The following ENDOV variants were observed in gnomAD, a reference collection of about 807,000 sequenced individuals.
The protein encoded by ENDOV is endonuclease V.
ENDOV carries 37 observed loss-of-function variants against 39.4 expected under a neutral mutation model. That is an observed-to-expected ratio of 0.94 (90% CI 0.72 to 1.23). The LOEUF (loss-of-function observed/expected upper bound fraction) is 1.23. Ranked by LOEUF, ENDOV falls within the 50% of genes most tolerant of loss-of-function variation. The pLI is 0.00. For synonymous variants in ENDOV, 186 were observed against 163.4 expected, an observed-to-expected ratio of 1.14 and a Z score of -1.05; for missense variants, 441 against 375.7, an observed-to-expected ratio of 1.17 and a Z score of -1.44.
chr17:80,436,069 C>T, intron 9 of ENDOV, 64 bp from the exon 10 acceptor site: 2 of 1,578,312 alleles, frequency 1.3e-6, no homozygotes, highest in Non-Finnish European at 1.7e-6. Context: ...TCCACTTCCT[C>T]CTTTCCACTC....
intron 2 of ENDOV, chr17:80,417,046 CA>C (rs1042369113): frequency 1.3e-5 from 2 of 152,240 alleles, no homozygotes; most frequent in African/African-American, 2.4e-5. Context: ...GGAACCACCA[CA>C]CCCAGCCCAC....
At chr17:80,421,177 A>G (rs1181720305) in intron 2 of ENDOV, among the ~76,000 whole-genome samples, 1 of 151,800 alleles carries the variant, frequency 6.6e-6, no homozygotes, top group Non-Finnish European at 1.5e-5. Context: ...CCTATGGACC[A>G]GGTCCCGGAG....
chr17:80,425,097 A>G lies in ENDOV; in HGVS notation c.582A>G (p.Gly194=). Residue 194 remains glycine, a synonymous_variant, in exon 6 of 10, where the codon GGA becomes GGG. Coordinates refer to ENST00000518137, the MANE Select transcript of ENDOV (RefSeq NM_173627.5). ...TGGGAGACTCTGGGACTGTCCTGGG[A>G]ATGGTGAGTAGCTAGGGCCCTGAGC... The part of the protein sequence containing the change: ...PLLGDSGTVL[G]MALRSHDRST... The G allele has an allele frequency of 6.2e-7, 1 of 1,608,022 alleles. No individual in the cohort carries two copies.
At chr17:80,435,174 C>A (rs1411977560) in intron 9 of ENDOV, among the ~76,000 whole-genome samples, 1 of 152,054 alleles carries the variant, frequency 6.6e-6, no homozygotes, top group South Asian at 2.1e-4. Context: ...AATATTTTTT[C>A]CTGTGGGTTG....
At position 80,427,737 on chromosome 17, in the gene ENDOV, C is replaced by G. The variant is rs898943304; in HGVS notation, c.715-859C>G. Reference sequence around the variant, plus strand: ...CGGGGTTAGTGTTGGTCTGCTCTCTCCCTGGCTCCGCGCCGGGCCGTCTTG... The same window carrying G: ...CGGGGTTAGTGTTGGTCTGCTCTCTGCCTGGCTCCGCGCCGGGCCGTCTTG... On this transcript the variant is annotated intron_variant, in intron 7 of 9. Transcript: ENST00000518137. 11 of 1,289,246 alleles carry G rather than the reference C, an allele frequency of 8.5e-6. No homozygotes were observed. In the East Asian group the frequency reaches 5.5e-4, roughly 65 times the overall value. 79.9% of individuals were successfully genotyped at this position (1,289,246 alleles called of 1,614,324 possible).
chr17:80,423,910 G>C (rs969171298), intron 5 of ENDOV: 29 of 477,216 alleles, frequency 6.1e-5, no homozygotes, highest in Admixed American at 3.8e-5. Context: ...GTAGGGCTAA[G>C]TCCTCCAGTT....
chr17:80,422,218 G>A lies in ENDOV; in HGVS notation c.376G>A (p.Asp126Asn), dbSNP rs769171987. Residue 126 changes from aspartate (D) to asparagine (N), a missense_variant, in exon 4 of 10, where the codon GAT becomes AAT. Physicochemically the swap from Asp to Asn is conservative, Grantham distance 23. Coordinates refer to ENST00000518137, the MANE Select transcript of ENDOV (RefSeq NM_173627.5). ...PGLMPQVLLV[D>N]GNGVLHHRGF... ...TGTGGCTCCATAGGTCCTTCTTGTG[G>A]ATGGAAACGGGGTACTCCACCACCG... 4 of 1,613,654 alleles carry A rather than the reference G, an allele frequency of 2.5e-6. No individual in the cohort carries two copies. The highest frequency in any genetic ancestry group is 3.4e-6 in the Non-Finnish European group (4 of 1,179,834).
intron 8 of ENDOV, among the ~76,000 whole-genome samples, 165 bp from the exon 9 acceptor site, chr17:80,429,608 A>G (rs2083156396): frequency 2.0e-5 from 3 of 152,110 alleles, no homozygotes; most frequent in Non-Finnish European, 4.4e-5. Flanking sequence ...GCTTGAATGC[A>G]AGCTGCGTGT....
chr17:80,436,250 A>C lies in ENDOV; in HGVS notation c.*107A>C. 3.3e-6 allele frequency: 3 copies of C among 918,350 alleles called. No individual in the cohort carries two copies. The highest frequency in any genetic ancestry group is 2.9e-5 in the East Asian group (1 of 35,072). 56.9% of individuals were successfully genotyped at this position (918,350 alleles called of 1,614,324 possible). A position where few individuals can be genotyped will look rare whatever the true frequency, so the allele number is the denominator to read the frequency against. Reference sequence around the variant, plus strand: ...ATCGAACGCGGTGGTGAGAGCACACATCCTCGTCTCGTTCCTGATCGAACG... The same window carrying C: ...ATCGAACGCGGTGGTGAGAGCACACCTCCTCGTCTCGTTCCTGATCGAACG... On this transcript the variant is annotated 3_prime_UTR_variant, in exon 10 of 10. Coordinates refer to ENST00000518137, the MANE Select transcript of ENDOV (RefSeq NM_173627.5).
chr17:80,425,614 G>T lies in ENDOV; in HGVS notation c.708G>T (p.Val236=), dbSNP rs963215749. The T allele has an allele frequency of 1.3e-6, 2 of 1,582,220 alleles. No individual in the cohort carries two copies. Among genetic ancestry groups the T allele is most frequent in the African/African-American group, 2.7e-5 (2 of 74,418 alleles). Residue 236 remains valine (V), a synonymous_variant, in exon 7 of 10, where the codon GTG becomes GTT. Transcript: ENST00000518137. Reference sequence around the variant, plus strand: ...GCAGGTTCCGGATCCCAGAGCCCGTGCGCCAGGTGGGTGTGCTGGGGATGC... The same window carrying T: ...GCAGGTTCCGGATCCCAGAGCCCGTTCGCCAGGTGGGTGTGCTGGGGATGC... The part of the protein sequence containing the change: ...CCCRFRIPEP[V]RQADICSREH...
chr17:80,421,690 T>G, intron 2 of ENDOV, 138 bp from the exon 3 acceptor site: 1 of 1,155,246 alleles, frequency 8.7e-7, no homozygotes, highest in Non-Finnish European at 1.2e-6. Flanking sequence ...CATCATCTCA[T>G]AGGTGAGGCA....
chr17:80,415,699 T>A lies in ENDOV; in HGVS notation c.106T>A (p.Trp36Arg). 4 of 1,611,758 alleles carry A rather than the reference T, an allele frequency of 2.5e-6. No individual in the cohort carries two copies. Among genetic ancestry groups the A allele is most frequent in the Non-Finnish European group, 3.4e-6 (4 of 1,179,096 alleles). ...CGTCGTAGACCGGGACACCGAGGCGTGGCAGCGAGACCCCGCCTTCTCGGG... is the reference window on the plus strand; with the variant it reads ...CGTCGTAGACCGGGACACCGAGGCGAGGCAGCGAGACCCCGCCTTCTCGGG... The part of the protein sequence containing the change: ...AHVVDRDTEA[W>R]QRDPAFSGLQ... Residue 36 changes from tryptophan (W) to arginine (R), a missense_variant, in exon 2 of 10, where the codon TGG becomes AGG. By Grantham distance (101) the Trp-to-Arg change is moderately radical. Coordinates refer to ENST00000518137, the MANE Select transcript of ENDOV (RefSeq NM_173627.5).
chr17:80,428,724 C>G, intron 8 of ENDOV, 64 bp downstream of exon 8: 5 of 1,481,160 alleles, frequency 3.4e-6, no homozygotes, highest in Non-Finnish European at 4.6e-6. Flanking sequence ...TGGGCTGTTT[C>G]CGGTGGCTCA....
chr17:80,426,466 T>C (rs1031765316), intron 7 of ENDOV, among the ~76,000 whole-genome samples: 4 of 151,766 alleles, frequency 2.6e-5, no homozygotes, highest in African/African-American at 4.8e-5. Context: ...CTAGGCAACA[T>C]AGACCCCGTC....
intron 9 of ENDOV, 155 bp downstream of exon 9, chr17:80,429,986 C>T (rs2083207755): frequency 3.3e-5 from 51 of 1,541,228 alleles, no homozygotes; most frequent in Non-Finnish European, 4.3e-5. Flanking sequence ...CCTCAGGACA[C>T]TGACCACCCC....
At position 80,425,086 on chromosome 17, in the gene ENDOV, A is replaced by T. The variant is rs1204942875; in HGVS notation, c.571A>T (p.Thr191Ser). Residue 191 changes from threonine to serine, a missense_variant, in exon 6 of 10, where the codon ACT (threonine) becomes TCT (serine). Physicochemically the swap from Thr to Ser is moderately conservative, Grantham distance 58. Transcript: ENST00000518137. ...DSFPLLGDSG[T>S]VLGMALRSHD... ...ATTCCCTCTGCTGGGAGACTCTGGG[A>T]CTGTCCTGGGAATGGTGAGTAGCTA... 1.9e-6 allele frequency: 3 copies of T among 1,609,790 alleles called. No individual in the cohort carries two copies. The African/African-American group carries it at 4.0e-5, about 22-fold the overall frequency.
intron 4 of ENDOV, among the ~76,000 whole-genome samples, chr17:80,422,475 G>T (rs548792049): frequency 6.6e-6 from 1 of 152,096 alleles, no homozygotes; most frequent in Non-Finnish European, 1.5e-5. Context: ...TTTCCTGTCC[G>T]CCACTGCCTT....
chr17:80,421,753 A>G, intron 2 of ENDOV, 75 bp from the exon 3 acceptor site: 1 of 1,524,418 alleles, frequency 6.6e-7, no homozygotes, highest in Admixed American at 2.0e-5. Flanking sequence ...TGAGGGGGGC[A>G]GGGCATGGAC....
chr17:80,415,863 G>T, intron 2 of ENDOV, 42 bp downstream of exon 2: 1 of 1,555,554 alleles, frequency 6.4e-7, no homozygotes, highest in African/African-American at 1.4e-5. Context: ...GCCCCTCGGT[G>T]GGCTCGGGCG....
Sources: gnomAD v4.1 joint callset for allele counts (sites outside exome capture counted in the v4.1 genomes callset) on GRCh38, gnomAD v4.1.1 for gene constraint, MANE v1.5 for transcripts, NCBI Gene and HGNC (gene_info 2026-07-23, HGNC 2026-07-21) for gene names.